Variants in TENM4 observed in about 807,000 individuals in gnomAD.
TENM4 encodes teneurin transmembrane protein 4, also known as teneurin-4.
Under a neutral mutation model 243.3 loss-of-function variants are expected in TENM4, and 82 were observed. The ratio of observed to expected loss-of-function variants is 0.34; its 90% confidence interval spans 0.28 to 0.40. The LOEUF is 0.40. Among genes scored for constraint, TENM4 ranks in the 10% least tolerant of loss-of-function variants. TENM4 has a pLI of 1.00. For missense variants in TENM4, 3,138 were observed against 3,673.3 expected (o/e 0.85, Z 3.77); for synonymous variants, 1,412 against 1,456.3 (o/e 0.97, Z 0.69).
chr11:78,769,336 G>C (rs1001016723), intron 18 of TENM4, among the ~76,000 whole-genome samples: 1 of 152,174 alleles, frequency 6.6e-6, no homozygotes, highest in Admixed American at 6.5e-5. Context: ...CCATAATGAT[G>C]TCTCTGAATA....
intron 24 of TENM4, among the ~76,000 whole-genome samples, chr11:78,721,036 G>A (rs561307902): frequency 6.6e-6 from 1 of 152,188 alleles, no homozygotes; most frequent in African/African-American, 2.4e-5. Flanking sequence ...GGAAAATGGG[G>A]TCTCTTATTG....
At chr11:79,429,606 G>A (rs1037242821) in intron 1 of TENM4, among the ~76,000 whole-genome samples, 4 of 152,084 alleles carry the variant, frequency 2.6e-5, no homozygotes, top group African/African-American at 9.7e-5. Flanking sequence ...GAACTTGCTT[G>A]AATGCATACA....
intron 12 of TENM4, among the ~76,000 whole-genome samples, chr11:78,849,022 C>G (rs1858466703): frequency 6.6e-6 from 1 of 152,194 alleles, no homozygotes; most frequent in Non-Finnish European, 1.5e-5. Context: ...TTTCTAACAG[C>G]AATTCTCATT....
At chr11:78,909,961 A>G (rs1210492040) in intron 6 of TENM4, among the ~76,000 whole-genome samples, 1 of 152,220 alleles carries the variant, frequency 6.6e-6, no homozygotes, top group Non-Finnish European at 1.5e-5. Flanking sequence ...AGGATGAACC[A>G]GGCCGGGACA....
chr11:78,914,869 G>T (rs1856277921), intron 6 of TENM4, among the ~76,000 whole-genome samples: 1 of 152,212 alleles, frequency 6.6e-6, no homozygotes, highest in Non-Finnish European at 1.5e-5. Flanking sequence ...TGGAGAGTCA[G>T]GCCAGGGGCA....
Position 79,248,703 on chromosome 11 carries a change from C to T in TENM4, c.-264-32794G>A, listed in dbSNP as rs568290100. Among the ~76,000 whole-genome samples, 399 of 152,336 alleles carry T rather than the reference C, an allele frequency of 2.6e-3. 4 individuals carry two copies. Among genetic ancestry groups the T allele is most frequent in the Non-Finnish European group, 1.8e-3 (120 of 68,040 alleles). On this transcript the variant is annotated intron_variant, in intron 2 of 33. Coordinates refer to ENST00000278550, the MANE Select transcript of TENM4 (RefSeq NM_001098816.3). ...CAAGAGACCTTTGAGTTATGAAGTG[C>T]ACTTAACACCATTAATTGCCATGGA...
chr11:78,670,918 T>C lies in TENM4; in HGVS notation c.5794-367A>G, dbSNP rs1015148862. ...CAGACCTGGTTACTTTTGTGCGTGG[T>C]GGGGTGTGAGAACGGCCAAGAAGCT... On this transcript the variant is annotated intron_variant, in intron 31 of 33. Transcript: ENST00000278550. Among the ~76,000 whole-genome samples, 5 of 152,270 alleles carry C rather than the reference T, an allele frequency of 3.3e-5. No individual in the cohort carries two copies. In the South Asian group the frequency reaches 6.2e-4, roughly 19 times the overall value.
chr11:78,676,410 A>G (rs1238440795), intron 29 of TENM4, 23 bp from the exon 30 acceptor site: 7 of 1,566,426 alleles, frequency 4.5e-6, no homozygotes, highest in Non-Finnish European at 6.1e-6. Context: ...ACAAGCACAG[A>G]CTGCTCAGAA....
At chr11:78,768,559 C>G (rs1393717678) in intron 18 of TENM4, among the ~76,000 whole-genome samples, 18 of 152,300 alleles carry the variant, frequency 1.2e-4, no homozygotes, top group Non-Finnish European at 1.6e-4. Context: ...CGCTGAAGCC[C>G]CAGTACCCTG....
chr11:79,002,655 G>A (rs563930072), intron 6 of TENM4, among the ~76,000 whole-genome samples: 202 of 152,290 alleles, frequency 1.3e-3, no homozygotes, highest in African/African-American at 4.8e-3. Context: ...CCCATTGGAA[G>A]GATAGCAACT....
At chr11:78,820,155 G>A (rs1857696208) in intron 12 of TENM4, among the ~76,000 whole-genome samples, 1 of 152,214 alleles carries the variant, frequency 6.6e-6, no homozygotes, top group African/African-American at 2.4e-5. Flanking sequence ...AAGGTTGAAG[G>A]AAGAGTCCAA....
chr11:78,686,376 T>C (rs554150821), intron 29 of TENM4, among the ~76,000 whole-genome samples: 1 of 152,342 alleles, frequency 6.6e-6, no homozygotes, highest in East Asian at 1.9e-4. Flanking sequence ...CCCTTGGTAA[T>C]GTCCTTTATG....
chr11:78,728,464 C>G (rs1187100295), intron 22 of TENM4, among the ~76,000 whole-genome samples: 3 of 151,904 alleles, frequency 2.0e-5, no homozygotes, highest in Non-Finnish European at 2.9e-5. Flanking sequence ...TCCTCCTCTT[C>G]TTCCCCCCTC....
At chr11:79,093,651 G>A (rs1861011611) in intron 4 of TENM4, 1 of 152,284 alleles carries the variant, frequency 6.6e-6, no homozygotes. Flanking sequence ...AGGAGGGGGA[G>A]GCCCAATCCA....
chr11:78,914,828 C>T (rs1288259954), intron 6 of TENM4, among the ~76,000 whole-genome samples: 1 of 152,246 alleles, frequency 6.6e-6, no homozygotes, highest in Admixed American at 6.5e-5. Context: ...ACCACCCCTA[C>T]TGCCACTACG....
At chr11:78,868,496 T>C (rs1219539563) in intron 9 of TENM4, among the ~76,000 whole-genome samples, 4 of 152,228 alleles carry the variant, frequency 2.6e-5, no homozygotes, top group Admixed American at 6.5e-5. Context: ...CTCTTGGCTC[T>C]GGTCAATCTC....
intron 6 of TENM4, among the ~76,000 whole-genome samples, chr11:79,023,477 G>T (rs926632399): frequency 1.3e-5 from 2 of 151,088 alleles, no homozygotes; most frequent in African/African-American, 4.9e-5. Context: ...CAGGAGAATC[G>T]CTTGAACCTG....
intron 4 of TENM4, among the ~76,000 whole-genome samples, chr11:79,138,206 T>C (rs534742574): frequency 6.7e-6 from 1 of 149,120 alleles, no homozygotes; most frequent in Non-Finnish European, 1.5e-5. Context: ...GGACTCCAAA[T>C]TCTTCAGTTT....
intron 15 of TENM4, among the ~76,000 whole-genome samples, chr11:78,788,865 G>A (rs1397537266): frequency 6.6e-6 from 1 of 152,218 alleles, no homozygotes; most frequent in African/African-American, 2.4e-5. Context: ...CCTTCAGGCT[G>A]TAAGAATGTG....
Sources: gnomAD v4.1 joint callset for allele counts (sites outside exome capture counted in the v4.1 genomes callset) on GRCh38, gnomAD v4.1.1 for gene constraint, MANE v1.5 for transcripts, NCBI Gene and HGNC (gene_info 2026-07-23, HGNC 2026-07-21) for gene names.